The following IL4 variants were observed in gnomAD, a reference collection of about 807,000 sequenced individuals.
IL4 encodes interleukin-4.
A neutral mutation model predicts 17.4 loss-of-function variants in IL4; 10 were observed. That is an observed-to-expected ratio of 0.57 (90% CI 0.35 to 0.97). The LOEUF is 0.97. Among genes scored for constraint, IL4 ranks in the 50% least tolerant of loss-of-function variants. The pLI, the probability that IL4 is intolerant of heterozygous loss-of-function variation, is 0.01. For synonymous variants in IL4, 87 were observed against 79.0 expected, an observed-to-expected ratio of 1.10 and a Z score of -0.54; for missense variants, 174 against 187.7, an observed-to-expected ratio of 0.93 and a Z score of 0.43.
At chr5:132,678,270 CAT>C (rs1286704068) in intron 2 of IL4, among the ~76,000 whole-genome samples, 3 of 152,344 alleles carry the variant, frequency 2.0e-5, no homozygotes, top group African/African-American at 4.8e-5. Flanking sequence ...CTCTCAATCC[CAT>C]GTTCTCTAAT....
At chr5:132,678,563 C>T (rs1403873520) in intron 2 of IL4, among the ~76,000 whole-genome samples, 2 of 152,048 alleles carry the variant, frequency 1.3e-5, no homozygotes, top group African/African-American at 4.8e-5. Context: ...GATAGAAACC[C>T]CTGAGCATCT....
Position 132,680,319 on chromosome 5 carries a change from GA to G in IL4, c.360+430del, listed in dbSNP as rs1264437984. ...GGGAGACCATTCCAGGCAGAAGGAG[GA>G]GGTATGCAAAGGCCTTAGGATGGAA... On this transcript the variant is annotated intron_variant, in intron 3 of 3. Transcript: ENST00000231449. The surrounding 1 kb of genome is among the most constrained non-coding windows in gnomAD (Gnocchi z 4.3). Among the ~76,000 whole-genome samples the G allele has an allele frequency of 6.6e-6, 1 of 152,172 alleles. No homozygotes were observed.
chr5:132,674,798 C>T (rs71645908), intron 2 of IL4, among the ~76,000 whole-genome samples: 2 of 152,186 alleles, frequency 1.3e-5, no homozygotes, highest in African/African-American at 4.8e-5. Flanking sequence ...GTGCCTGGAA[C>T]GTAGGAGGCA....
chr5:132,674,370 G>T, intron 1 of IL4, 89 bp from the exon 2 acceptor site: 1 of 1,415,462 alleles, frequency 7.1e-7, no homozygotes, highest in Non-Finnish European at 1.0e-6. Context: ...TTCCTCAGTT[G>T]GAGGGAGTGA....
In IL4 at chr5:132,680,901, C is replaced by G. The variant is rs2243283; in HGVS notation, c.360+1011C>G. On this transcript the variant is annotated intron_variant, in intron 3 of 3. Transcript: ENST00000231449. This position sits in a 1 kb window ranked among gnomAD's most constrained non-coding sequence, Gnocchi z 4.3. ...AAGATACAGGGGAGGAAAAGATGACCTCTTTGTTCCTGCCCAAACCCCTCT... is the reference window on the plus strand; with the variant it reads ...AAGATACAGGGGAGGAAAAGATGACGTCTTTGTTCCTGCCCAAACCCCTCT... Among the ~76,000 whole-genome samples the G allele has an allele frequency of 0.065, 9,890 of 152,234 alleles. 793 individuals carry two copies. The highest frequency in any genetic ancestry group is 0.23 in the East Asian group (1,205 of 5,180).
chr5:132,680,535 G>A lies in IL4; in HGVS notation c.360+645G>A, dbSNP rs2243279. ...CAATCTGATTTACGTGATTTAAAAGGGTCAGTCTGGCTACTGTGTGGTAAA... is the reference window on the plus strand; with the variant it reads ...CAATCTGATTTACGTGATTTAAAAGAGTCAGTCTGGCTACTGTGTGGTAAA... On this transcript the variant is annotated intron_variant, in intron 3 of 3. Coordinates refer to ENST00000231449, the MANE Select transcript of IL4 (RefSeq NM_000589.4). This position sits in a 1 kb window ranked among gnomAD's most constrained non-coding sequence, Gnocchi z 4.3. 0.013 allele frequency among the ~76,000 whole-genome samples: 2,014 copies of A among 152,274 alleles called. 37 individuals are homozygous for A. Among genetic ancestry groups the A allele is most frequent in the African/African-American group, 0.046 (1,903 of 41,548 alleles).
intron 2 of IL4, among the ~76,000 whole-genome samples, chr5:132,675,883 A>C (rs56408050): frequency 7.7e-6 from 1 of 129,096 alleles, no homozygotes; most frequent in African/African-American, 3.5e-5. Context: ...GTGTGTATAT[A>C]TGTGTGTGTG....
rs2243260 is a variant in IL4, at chr5:132,677,058, A to T, written c.183+2552A>T. ...TATTTCCTATTTACCAAAGAGAGCT[A>T]AAGTTCATAATTCTACAGAGAGTTC... On this transcript the variant is annotated intron_variant, in intron 2 of 3. Transcript: ENST00000231449. Among the ~76,000 whole-genome samples, 675 of 152,380 alleles carry T rather than the reference A, an allele frequency of 4.4e-3. 10 individuals carry two copies. Among genetic ancestry groups the T allele is most frequent in the African/African-American group, 0.016 (653 of 41,594 alleles).
chr5:132,678,944 C>T (rs183268283), intron 2 of IL4, among the ~76,000 whole-genome samples: 3 of 152,334 alleles, frequency 2.0e-5, no homozygotes, highest in South Asian at 4.1e-4. Flanking sequence ...TGGCCAGACC[C>T]TCACAGTTGC....
intron 2 of IL4, among the ~76,000 whole-genome samples, chr5:132,675,891 GTGTA>G (rs1752371812): frequency 6.8e-6 from 1 of 146,670 alleles, no homozygotes; most frequent in Admixed American, 6.9e-5. Flanking sequence ...ATATGTGTGT[GTGTA>G]TATATATGTG....
Sources: gnomAD v4.1 joint callset for allele counts (sites outside exome capture counted in the v4.1 genomes callset) on GRCh38, gnomAD v4.1.1 for gene constraint, Gnocchi (gnomAD v3.1) non-coding constraint, MANE v1.5 for transcripts, NCBI Gene and HGNC (gene_info 2026-07-23, HGNC 2026-07-21) for gene names.